The following SIPA1L1 variants were observed in gnomAD, a reference collection of about 807,000 sequenced individuals.
SIPA1L1 encodes the protein signal-induced proliferation-associated 1-like protein 1.
In SIPA1L1, 26 loss-of-function variants were observed where a neutral mutation model predicts 162.7. The observed-to-expected ratio is 0.16, with a 90% CI of 0.12 to 0.22. The LOEUF is 0.22. Among genes scored for constraint, SIPA1L1 ranks in the 10% least tolerant of loss-of-function variants. The pLI is 1.00. For synonymous variants in SIPA1L1, 829 were observed against 837.4 expected (o/e 0.99, Z 0.17); for missense variants, 1,874 against 2,241.0 (o/e 0.84, Z 3.31).
chr14:71,529,156 T>C (rs1451273860), intron 3 of SIPA1L1, among the ~76,000 whole-genome samples, 156 bp from the exon 4 acceptor site: 1 of 152,166 alleles, frequency 6.6e-6, no homozygotes, highest in Non-Finnish European at 1.5e-5. Context: ...AGAGACATTT[T>C]TCTCTAATGT....
chr14:71,722,266 A>G lies in SIPA1L1; in HGVS notation c.4209-1381A>G, dbSNP rs115344171. Among the ~76,000 whole-genome samples, 1,129 of 152,184 alleles carry G rather than the reference A, an allele frequency of 7.4e-3. 13 individuals are homozygous for G. The highest frequency in any genetic ancestry group is 0.026 in the African/African-American group (1,059 of 41,506). ...CTTATGAAGGTGCTTTTTTGTGTGG[A>G]TAGTTGTTCAATTTGGTGTTCCTGT... On this transcript the variant is annotated intron_variant, in intron 17 of 23. Transcript: ENST00000381232.
At chr14:71,713,905 T>A (rs1239543822) in intron 17 of SIPA1L1, among the ~76,000 whole-genome samples, 1 of 152,190 alleles carries the variant, frequency 6.6e-6, no homozygotes, top group Non-Finnish European at 1.5e-5. Flanking sequence ...TACTAACAAT[T>A]AATTGCCTCT....
chr14:71,339,470 C>T (rs1321697260), intron 2 of SIPA1L1, among the ~76,000 whole-genome samples: 2 of 151,422 alleles, frequency 1.3e-5, no homozygotes, highest in Non-Finnish European at 2.9e-5. Context: ...TCAAGTGATT[C>T]TCCTGCCTCA....
intron 2 of SIPA1L1, among the ~76,000 whole-genome samples, chr14:71,438,194 T>C (rs2044550868): frequency 6.6e-6 from 1 of 152,256 alleles, no homozygotes; most frequent in African/African-American, 2.4e-5. Flanking sequence ...ATTCTTTAGA[T>C]GTTAGAATCA....
Position 71,547,292 on chromosome 14 carries a change from C to CTTTT in SIPA1L1, c.-303+17941_-303+17944dup, listed in dbSNP as rs753714304. Among the ~76,000 whole-genome samples the CTTTT allele has an allele frequency of 2.2e-4, 24 of 111,276 alleles. 1 individual carries two copies. The highest frequency in any genetic ancestry group is 3.1e-4 in the East Asian group (1 of 3,200). 73.0% of individuals were successfully genotyped at this position (111,276 alleles called of 152,430 possible). A position where few individuals can be genotyped will look rare whatever the true frequency, so the allele number is the denominator to read the frequency against. ...GATTCGTCACTTAATATGAAAATAA[C>CTTTT]TTTTTTTTTTTTTTTTTTTTTTGAG... is the stretch of plus-strand genomic sequence containing the variant. On this transcript the variant is annotated intron_variant, in intron 4 of 23. Coordinates refer to ENST00000381232, the MANE Select transcript of SIPA1L1 (RefSeq NM_001386936.1).
At chr14:71,320,967 A>G (rs1192883303) in intron 1 of SIPA1L1, among the ~76,000 whole-genome samples, 155 bp from the exon 2 acceptor site, 1 of 151,666 alleles carries the variant, frequency 6.6e-6, no homozygotes, top group East Asian at 2.0e-4. Context: ...CCTCGGAGCC[A>G]GCCTCGGGAA....
chr14:71,652,966 ATATT>A (rs1462009126), intron 8 of SIPA1L1, among the ~76,000 whole-genome samples: 1 of 151,814 alleles, frequency 6.6e-6, no homozygotes, highest in East Asian at 1.9e-4. Context: ...TCCTTTGTAT[ATATT>A]TTACTTCCTC....
intron 2 of SIPA1L1, among the ~76,000 whole-genome samples, chr14:71,458,365 T>G (rs1378010869): frequency 6.6e-6 from 1 of 152,198 alleles, no homozygotes; most frequent in Non-Finnish European, 1.5e-5. Context: ...GAGCAGTGAT[T>G]GGGGTGAAGA....
At chr14:71,424,108 A>AT (rs931848150) in intron 2 of SIPA1L1, among the ~76,000 whole-genome samples, 11 of 152,078 alleles carry the variant, frequency 7.2e-5, no homozygotes, top group African/African-American at 2.2e-4. Flanking sequence ...AATGCAACTG[A>AT]TTTTTGTATG....
chr14:71,693,438 G>A (rs143009212), intron 13 of SIPA1L1, among the ~76,000 whole-genome samples: 20 of 152,132 alleles, frequency 1.3e-4, no homozygotes, highest in East Asian at 5.8e-4. Context: ...GGAGGAGATC[G>A]CAGTGAGCCG....
chr14:71,331,257 T>C (rs1441167936), intron 2 of SIPA1L1, among the ~76,000 whole-genome samples: 2 of 152,246 alleles, frequency 1.3e-5, no homozygotes, highest in African/African-American at 4.8e-5. Flanking sequence ...ATTGGTCTCT[T>C]TGTCTGTTTT....
At chr14:71,734,287 G>A (rs2085081557) in intron 21 of SIPA1L1, among the ~76,000 whole-genome samples, 1 of 152,246 alleles carries the variant, frequency 6.6e-6, no homozygotes, top group Admixed American at 6.5e-5. Context: ...TTGCCAGCCT[G>A]CTGGCCGTGT....
At chr14:71,421,693 C>G (rs2140625904) in intron 2 of SIPA1L1, among the ~76,000 whole-genome samples, 1 of 152,284 alleles carries the variant, frequency 6.6e-6, no homozygotes, top group African/African-American at 2.4e-5. Flanking sequence ...CCTTGACTCC[C>G]TCCCTCCCTT....
intron 2 of SIPA1L1, among the ~76,000 whole-genome samples, chr14:71,404,785 T>G (rs1428554175): frequency 6.6e-6 from 1 of 152,226 alleles, no homozygotes; most frequent in Admixed American, 6.5e-5. Context: ...AAGAATTTCA[T>G]TTTACAAAGA....
intron 13 of SIPA1L1, among the ~76,000 whole-genome samples, chr14:71,698,226 G>A (rs945148530): frequency 6.6e-6 from 1 of 152,162 alleles, no homozygotes; most frequent in Non-Finnish European, 1.5e-5. Flanking sequence ...TTGCCGTGTT[G>A]CCTACTAGAG....
intron 5 of SIPA1L1, among the ~76,000 whole-genome samples, chr14:71,602,900 C>T (rs974792447): frequency 6.6e-6 from 1 of 152,248 alleles, no homozygotes; most frequent in Non-Finnish European, 1.5e-5. Context: ...CTGTCCCCAC[C>T]ATCCATGGAA....
At chr14:71,325,250 A>G (rs1416113499) in intron 2 of SIPA1L1, among the ~76,000 whole-genome samples, 3 of 152,158 alleles carry the variant, frequency 2.0e-5, no homozygotes, top group African/African-American at 4.8e-5. Context: ...GTTTTTTTCT[A>G]TGCCTAGCTA....
At chr14:71,466,681 T>C (rs975359499) in intron 2 of SIPA1L1, among the ~76,000 whole-genome samples, 1 of 152,110 alleles carries the variant, frequency 6.6e-6, no homozygotes, top group African/African-American at 2.4e-5. Context: ...AAAGTGGAGA[T>C]TTGTATGCAT....
At chr14:71,497,832 A>G (rs1466268933) in intron 2 of SIPA1L1, 2 of 152,216 alleles carry the variant, frequency 1.3e-5, no homozygotes, top group African/African-American at 4.8e-5. Context: ...TTTTCTGTTA[A>G]TGTAAGCTTT....
Sources: gnomAD v4.1 joint callset for allele counts (sites outside exome capture counted in the v4.1 genomes callset) on GRCh38, gnomAD v4.1.1 for gene constraint, MANE v1.5 for transcripts, NCBI Gene and HGNC (gene_info 2026-07-23, HGNC 2026-07-21) for gene names.